RFC1: variants seen among roughly 807,000 people sequenced by gnomAD.
RFC1 encodes the protein replication factor C subunit 1.
A neutral mutation model predicts 137.4 loss-of-function variants in RFC1; 37 were observed. The observed-to-expected ratio is 0.27, with a 90% CI of 0.21 to 0.35. RFC1 has a LOEUF of 0.35. RFC1 is among the 10% of genes least tolerant of loss of function. RFC1 has a pLI of 1.00. For synonymous variants in RFC1, 429 were observed against 455.7 expected (o/e 0.94, Z 0.75); for missense variants, 1,205 against 1,358.5 (o/e 0.89, Z 1.78).
chr4:39,325,447 A>G (rs544236716), intron 6 of RFC1, among the ~76,000 whole-genome samples: 1 of 152,288 alleles, frequency 6.6e-6, no homozygotes, highest in East Asian at 1.9e-4. Flanking sequence ...CAGTGGCACA[A>G]TCACAGCTCA....
intron 14 of RFC1, among the ~76,000 whole-genome samples, 166 bp from the exon 15 acceptor site, chr4:39,305,094 C>A (rs1217609153): frequency 6.6e-6 from 1 of 152,072 alleles, no homozygotes; most frequent in Non-Finnish European, 1.5e-5. Flanking sequence ...CTATAGTATG[C>A]CTTACAATAT....
intron 21 of RFC1, chr4:39,297,529 G>A (rs1379881242): frequency 6.0e-5 from 9 of 150,738 alleles, no homozygotes; most frequent in Admixed American, 1.3e-4. Context: ...CCCATTTCTT[G>A]TTTTTCTCAG....
chr4:39,290,389 G>A (rs943445453), intron 23 of RFC1, among the ~76,000 whole-genome samples: 52 of 149,754 alleles, frequency 3.5e-4, no homozygotes, highest in Middle Eastern at 3.5e-3. Context: ...AAAAAAATAC[G>A]TATATATATA....
chr4:39,303,041 A>C lies in RFC1; in HGVS notation c.2202+19T>G. On this transcript the variant is annotated intron_variant, in intron 16 of 24. Coordinates refer to ENST00000349703, the MANE Select transcript of RFC1 (RefSeq NM_002913.5). The stretch of plus-strand genomic sequence containing the variant: ...AAATTATCAACAGTGAAACTGCAAA[A>C]ATACAGCACTTGAATTACCTGAATT... The C allele has an allele frequency of 6.3e-7, 1 of 1,587,256 alleles. No homozygotes were observed. Among genetic ancestry groups the C allele is most frequent in the South Asian group, 1.1e-5 (1 of 90,542 alleles).
Position 39,328,417 on chromosome 4 carries a change from T to A in RFC1, c.332-661A>T, listed in dbSNP as rs185516109. Among the ~76,000 whole-genome samples, 1,049 of 152,304 alleles carry A rather than the reference T, an allele frequency of 6.9e-3. 4 individuals are homozygous for A. Among genetic ancestry groups the A allele is most frequent in the Non-Finnish European group, 0.01 (686 of 68,024 alleles). ...ATATACACTGTCAAGTTAAATGTTC[T>A]ATGAATAAAAAGTAAAACAGGGTGA... On this transcript the variant is annotated intron_variant, in intron 4 of 24. Coordinates refer to ENST00000349703, the MANE Select transcript of RFC1 (RefSeq NM_002913.5).
At chr4:39,289,210 G>C (rs558786817) in intron 24 of RFC1, among the ~76,000 whole-genome samples, 1 of 152,342 alleles carries the variant, frequency 6.6e-6, no homozygotes, top group Admixed American at 6.5e-5. Flanking sequence ...TTCAGTTTCA[G>C]ATTAGAGGTG....
chr4:39,309,695 A>G (rs1056630278), intron 12 of RFC1, among the ~76,000 whole-genome samples: 2 of 152,246 alleles, frequency 1.3e-5, no homozygotes, highest in African/African-American at 2.4e-5. Context: ...GCTGATAGGT[A>G]CAGGGTTTCT....
At chr4:39,348,030 G>A (rs1319513117) in intron 2 of RFC1, among the ~76,000 whole-genome samples, 1 of 152,118 alleles carries the variant, frequency 6.6e-6, no homozygotes, top group African/African-American at 2.4e-5. Context: ...GTAGTCAAAT[G>A]CAAAACGGAA....
intron 4 of RFC1, among the ~76,000 whole-genome samples, chr4:39,330,119 G>C (rs1482320026): frequency 6.6e-6 from 1 of 152,102 alleles, no homozygotes; most frequent in Non-Finnish European, 1.5e-5. Context: ...TATCAATTTG[G>C]TATGCAAAGC....
At chr4:39,331,811 C>T (rs777789644) in intron 4 of RFC1, among the ~76,000 whole-genome samples, 12 of 151,992 alleles carry the variant, frequency 7.9e-5, no homozygotes, top group Non-Finnish European at 1.6e-4. Flanking sequence ...AAAACATTAA[C>T]AATTTTTATC....
intron 4 of RFC1, among the ~76,000 whole-genome samples, chr4:39,332,700 GT>G (rs1465840321): frequency 6.6e-6 from 1 of 152,142 alleles, no homozygotes; most frequent in Non-Finnish European, 1.5e-5. Context: ...GGGAGAAAAA[GT>G]TTATCTACTT....
At position 39,302,331 on chromosome 4, in the gene RFC1, T is replaced by C. The variant is rs781188723; in HGVS notation, c.2482A>G (p.Thr828Ala). The change falls in exon 19 of 25, where the codon ACC (threonine) becomes GCC (alanine). Residue 828 changes from threonine to alanine, a missense_variant. Around this residue, in one of 3 missense-constraint regions of RFC1, gnomAD observed 962 missense variants for 1,035.3 expected, o/e 0.93. Transcript: ENST00000349703. Reference sequence around the variant, plus strand: ...GAATCAGCTTTGGCCTGGTCATAGGTTAATGCTTTACTTCGTGCACACCAC... The same window carrying C: ...GAATCAGCTTTGGCCTGGTCATAGGCTAATGCTTTACTTCGTGCACACCAC... ...SMWCARSKAL[T>A]YDQAKADSHR... The C allele has an allele frequency of 6.2e-7, 1 of 1,613,498 alleles. No individual in the cohort carries two copies. Among genetic ancestry groups the C allele is most frequent in the Admixed American group, 1.7e-5 (1 of 60,028 alleles).
intron 19 of RFC1, among the ~76,000 whole-genome samples, chr4:39,300,811 G>A (rs1356015789): frequency 6.6e-6 from 1 of 152,034 alleles, no homozygotes; most frequent in Non-Finnish European, 1.5e-5. Flanking sequence ...AGACATGGGG[G>A]GGCAGGGCAT....
At chr4:39,307,516 ACCAG>A (rs1052592645) in intron 13 of RFC1, 1 of 152,806 alleles carries the variant, frequency 6.5e-6, no homozygotes, top group African/African-American at 2.4e-5. Flanking sequence ...GGAGTTCAAG[ACCAG>A]CCTGGCCAGC....
intron 1 of RFC1, among the ~76,000 whole-genome samples, chr4:39,361,083 CATGAAATAATT>C (rs1173234048): frequency 6.6e-6 from 1 of 152,038 alleles, no homozygotes; most frequent in Non-Finnish European, 1.5e-5. Flanking sequence ...GAAAAAAAAT[CATGAAATAATT>C]GTGAAGTATT....
chr4:39,346,392 C>A (rs775054958), intron 2 of RFC1, among the ~76,000 whole-genome samples: 17 of 151,862 alleles, frequency 1.1e-4, no homozygotes, highest in Admixed American at 1.3e-4. Flanking sequence ...AGGAGAATCG[C>A]TTGAACCTGG....
Position 39,323,391 on chromosome 4 carries a change from T to C in RFC1, c.669A>G (p.Glu223=), listed in dbSNP as rs1435196863. The C allele has an allele frequency of 1.5e-5, 24 of 1,613,908 alleles. No homozygotes were observed. Among genetic ancestry groups the C allele is most frequent in the African/African-American group, 2.7e-5 (2 of 74,908 alleles). The change falls in exon 7 of 25, where the codon GAA becomes GAG. Residue 223 remains glutamate, a synonymous_variant. Transcript: ENST00000349703. The stretch of plus-strand genomic sequence containing the variant: ...ACATGGCTAATGTTCTGGCAAACTC[T>C]TCATCTTCATGCAACTGCCTCTCCA... ...AELERQLHED[E]EFARTLAMLD...
chr4:39,334,707 G>GT (rs1416613334), intron 4 of RFC1, among the ~76,000 whole-genome samples: 1 of 152,154 alleles, frequency 6.6e-6, no homozygotes, highest in Non-Finnish European at 1.5e-5. Flanking sequence ...GAGGAGAACT[G>GT]GTTGAAAATC....
At chr4:39,363,019 G>T (rs2109786080) in intron 1 of RFC1, among the ~76,000 whole-genome samples, 1 of 152,352 alleles carries the variant, frequency 6.6e-6, no homozygotes, top group African/African-American at 2.4e-5. Flanking sequence ...CTGTAGGAGT[G>T]GAGCAATGAA....
Sources: gnomAD v4.1 joint callset for allele counts (sites outside exome capture counted in the v4.1 genomes callset) on GRCh38, gnomAD v4.1.1 for gene constraint, gnomAD v4.1.1 regional missense constraint, MANE v1.5 for transcripts, NCBI Gene and HGNC (gene_info 2026-07-23, HGNC 2026-07-21) for gene names.